Variants in TMEM183A observed in about 807,000 individuals in gnomAD.
The protein encoded by TMEM183A is transmembrane protein 183A, also known as chromosome 1 open reading frame 37.
In TMEM183A, 21 loss-of-function variants were observed where a neutral mutation model predicts 46.7. The observed-to-expected ratio is 0.45, with a 90% CI of 0.32 to 0.65. The LOEUF is 0.65. Among genes scored for constraint, TMEM183A ranks in the 30% least tolerant of loss-of-function variants. TMEM183A has a pLI of 0.04. For synonymous variants in TMEM183A, 165 were observed against 180.2 expected, an observed-to-expected ratio of 0.92 and a Z score of 0.68; for missense variants, 331 against 481.9, an observed-to-expected ratio of 0.69 and a Z score of 2.93.
At chr1:203,015,843 C>A in intron 4 of TMEM183A, 117 bp from the exon 5 acceptor site, 1 of 1,314,868 alleles carries the variant, frequency 7.6e-7, no homozygotes, top group African/African-American at 1.5e-5. Context: ...GACAGGCTAT[C>A]TACTGGCCAG....
At chr1:203,007,636 A>G (rs1301513849) in intron 1 of TMEM183A, 62 bp downstream of exon 1, 3 of 1,532,672 alleles carry the variant, frequency 2.0e-6, no homozygotes, top group Admixed American at 3.9e-5. Flanking sequence ...AGGGGGCTGG[A>G]CCGTGCCGAG....
chr1:203,018,694 T>G (rs1657398553), intron 6 of TMEM183A, 133 bp downstream of exon 6: 1 of 1,019,568 alleles, frequency 9.8e-7, no homozygotes, highest in African/African-American at 1.6e-5. Context: ...CGAACTTTAT[T>G]TCTTAACAGT....
chr1:203,008,122 T>C (rs6690103), intron 2 of TMEM183A, among the ~76,000 whole-genome samples: 9,586 of 152,264 alleles, frequency 0.063, 1,013 homozygotes, highest in African/African-American at 0.22. Context: ...GTTATTAATC[T>C]CTTTGCTGTA....
At position 203,023,678 on chromosome 1, in the gene TMEM183A, T is replaced by G. The variant is rs1483277293; in HGVS notation, c.*638T>G. On this transcript the variant is annotated 3_prime_UTR_variant, in exon 8 of 8. Coordinates refer to ENST00000367242, the MANE Select transcript of TMEM183A (RefSeq NM_138391.6). ...GATGATGACTTTATACCCTTGGTACTATACTAGGAACTTTACATAGTATCT... is the reference window on the plus strand; with the variant it reads ...GATGATGACTTTATACCCTTGGTACGATACTAGGAACTTTACATAGTATCT... 6.5e-6 allele frequency: 1 copy of G among 152,702 alleles called. No homozygotes were observed. Among genetic ancestry groups the G allele is most frequent in the Non-Finnish European group, 1.5e-5 (1 of 68,090 alleles). 9.5% of individuals were successfully genotyped at this position (152,702 alleles called of 1,614,324 possible).
rs1418444 is a variant in TMEM183A, at chr1:203,008,904, C to T, written c.367+94C>T. On this transcript the variant is annotated intron_variant, in intron 3 of 7. Transcript: ENST00000367242. Reference sequence around the variant, plus strand: ...CAGTAGCACAGGAGGAGATATAAGACGTGATACCAGGAGAGTTTAAAGAAA... The same window carrying T: ...CAGTAGCACAGGAGGAGATATAAGATGTGATACCAGGAGAGTTTAAAGAAA... 18 of 1,323,728 alleles carry T rather than the reference C, an allele frequency of 1.4e-5. No individual in the cohort carries two copies. The East Asian group carries it at 2.3e-4, about 17-fold the overall frequency. 82.0% of individuals were successfully genotyped at this position (1,323,728 alleles called of 1,614,324 possible). A position where few individuals can be genotyped will look rare whatever the true frequency, so the allele number is the denominator to read the frequency against.
At chr1:203,021,137 A>G (rs1657646831) in intron 7 of TMEM183A, among the ~76,000 whole-genome samples, 189 bp downstream of exon 7, 1 of 149,472 alleles carries the variant, frequency 6.7e-6, no homozygotes, top group Admixed American at 6.7e-5. Context: ...GGCTTAAGCT[A>G]TCCTCTTGCT....
In TMEM183A at chr1:203,008,095, C is replaced by T. The variant is rs924308978; in HGVS notation, c.199+232C>T. The stretch of plus-strand genomic sequence containing the variant: ...AACATGTTTGCATACTTTTTAGTTT[C>T]CACTGCATTCTTCTTGGTTATTAAT... On this transcript the variant is annotated intron_variant, in intron 2 of 7. Transcript: ENST00000367242. Among the ~76,000 whole-genome samples the T allele has an allele frequency of 1.3e-5, 2 of 152,294 alleles. 1 individual carries two copies.
rs567545368 is a variant in TMEM183A, at chr1:203,023,131, C to T, written c.*91C>T. ...GACAGGGTGGCTGGATTGTATATCT[C>T]GTTAGTAATGTACATGCTCTTCAGG... On this transcript the variant is annotated 3_prime_UTR_variant, in exon 8 of 8. Transcript: ENST00000367242. 6 of 688,770 alleles carry T rather than the reference C, an allele frequency of 8.7e-6. No homozygotes were observed. The highest frequency in any genetic ancestry group is 6.3e-5 in the South Asian group (3 of 47,494). 42.7% of individuals were successfully genotyped at this position (688,770 alleles called of 1,614,324 possible).
intron 7 of TMEM183A, 66 bp downstream of exon 7, chr1:203,021,014 G>A (rs1381769558): frequency 7.5e-7 from 1 of 1,336,222 alleles, no homozygotes; most frequent in Admixed American, 2.9e-5. Flanking sequence ...CTGAAAGGAG[G>A]TGAACCGCAG....
chr1:203,009,377 G>A (rs1571600306), intron 3 of TMEM183A, among the ~76,000 whole-genome samples: 1 of 152,138 alleles, frequency 6.6e-6, no homozygotes, highest in African/African-American at 2.4e-5. Flanking sequence ...ATGAAACAAA[G>A]AATAATAAAC....
intron 3 of TMEM183A, among the ~76,000 whole-genome samples, chr1:203,010,649 A>G (rs1006896164): frequency 3.9e-5 from 6 of 152,284 alleles, no homozygotes; most frequent in Non-Finnish European, 7.4e-5. Flanking sequence ...TCTATTAGGG[A>G]TTTATCTTCT....
chr1:203,017,176 G>A (rs540566166), intron 5 of TMEM183A, among the ~76,000 whole-genome samples: 4 of 152,068 alleles, frequency 2.6e-5, no homozygotes, highest in Non-Finnish European at 2.9e-5. Context: ...GTAGAATGCC[G>A]GGAGAGTAGA....
At chr1:203,007,676 G>A in intron 1 of TMEM183A, 98 bp from the exon 2 acceptor site, 1 of 1,553,448 alleles carries the variant, frequency 6.4e-7, no homozygotes, top group East Asian at 2.3e-5. Flanking sequence ...CGGCTGGAGG[G>A]CGGCTCGGTC....
Position 203,008,731 on chromosome 1 carries a change from C to T in TMEM183A, c.288C>T (p.Ser96=), listed in dbSNP as rs201723109. The T allele has an allele frequency of 6.2e-6, 10 of 1,610,248 alleles. No homozygotes were observed. Among genetic ancestry groups the T allele is most frequent in the African/African-American group, 2.7e-5 (2 of 74,754 alleles). ...GTGAGCCCTGTGACATCATCGACAG[C>T]AGTGATGAGATGGATGCCCAGGAGG... The part of the protein sequence containing the change: ...GAGEPCDIID[S]SDEMDAQEES... The change falls in exon 3 of 8, where the codon AGC becomes AGT. Residue 96 remains serine, a synonymous_variant. Transcript: ENST00000367242.
At chr1:203,015,864 C>T in intron 4 of TMEM183A, 96 bp from the exon 5 acceptor site, 1 of 1,465,150 alleles carries the variant, frequency 6.8e-7, no homozygotes, top group Non-Finnish European at 9.2e-7. Flanking sequence ...TGGAATAGTG[C>T]AGTAAAGTTC....
At chr1:203,015,457 C>A (rs74821472) in intron 4 of TMEM183A, 188 of 235,174 alleles carry the variant, frequency 8.0e-4, no homozygotes, top group Non-Finnish European at 1.2e-3. Context: ...TGTATTTATG[C>A]AGCCTTATGT....
intron 3 of TMEM183A, among the ~76,000 whole-genome samples, chr1:203,014,545 T>C (rs1435526308): frequency 2.0e-5 from 3 of 152,104 alleles, no homozygotes; most frequent in Non-Finnish European, 4.4e-5. Flanking sequence ...GGAGGTTGTA[T>C]TGAGCTGAGA....
intron 2 of TMEM183A, among the ~76,000 whole-genome samples, chr1:203,008,357 G>A (rs957047182): frequency 6.6e-6 from 1 of 151,656 alleles, no homozygotes; most frequent in South Asian, 2.1e-4. Flanking sequence ...CTTTTATCCT[G>A]CAGGGTTTAT....
chr1:203,009,492 A>T (rs1245255663), intron 3 of TMEM183A, among the ~76,000 whole-genome samples: 5 of 152,056 alleles, frequency 3.3e-5, no homozygotes, highest in Non-Finnish European at 5.9e-5. Flanking sequence ...TTATTTATTT[A>T]TTTTTTTGAG....
Sources: allele counts gnomAD v4.1 joint callset (sites outside exome capture counted in the v4.1 genomes callset), GRCh38; gene constraint gnomAD v4.1.1; transcripts MANE v1.5; gene names NCBI Gene and HGNC (gene_info 2026-07-23, HGNC 2026-07-21).